ZDHHC13: variants seen among roughly 807,000 people sequenced by gnomAD.
ZDHHC13 encodes palmitoyltransferase ZDHHC13.
In ZDHHC13, 85 loss-of-function variants were observed where a neutral mutation model predicts 86.0. The observed-to-expected ratio is 0.99, with a 90% confidence interval of 0.83 to 1.18. The LOEUF is 1.18. ZDHHC13 is among the 50% of genes most tolerant of loss of function. ZDHHC13 has a pLI of 0.00. For missense variants in ZDHHC13, 711 were observed against 730.2 expected, an observed-to-expected ratio of 0.97 and a Z score of 0.30; for synonymous variants, 263 against 246.4, an observed-to-expected ratio of 1.07 and a Z score of -0.63.
chr11:19,119,351 C>T (rs1185169426), intron 1 of ZDHHC13, among the ~76,000 whole-genome samples: 8 of 152,142 alleles, frequency 5.3e-5, no homozygotes, highest in South Asian at 2.1e-4. Flanking sequence ...GTGATCCGCC[C>T]GCCTCGGCCT....
intron 1 of ZDHHC13, among the ~76,000 whole-genome samples, chr11:19,120,881 A>G (rs1171822333): frequency 6.6e-6 from 1 of 152,224 alleles, no homozygotes; most frequent in African/African-American, 2.4e-5. Flanking sequence ...GAATAGAATC[A>G]TAGAATACTT....
chr11:19,137,760 C>T (rs1849185086), intron 1 of ZDHHC13, among the ~76,000 whole-genome samples: 3 of 152,224 alleles, frequency 2.0e-5, no homozygotes, highest in Admixed American at 6.5e-5. Flanking sequence ...AAGAATCTCA[C>T]TCAAAACCGC....
At chr11:19,158,810 G>T (rs1048112783) in intron 9 of ZDHHC13, 130 bp from the exon 10 acceptor site, 2 of 578,008 alleles carry the variant, frequency 3.5e-6, no homozygotes, top group Non-Finnish European at 5.9e-6. Flanking sequence ...CACATAGTAA[G>T]CACTCAGTAT....
At chr11:19,134,443 A>G (rs1744036171) in intron 1 of ZDHHC13, among the ~76,000 whole-genome samples, 1 of 152,220 alleles carries the variant, frequency 6.6e-6, no homozygotes, top group South Asian at 2.1e-4. Context: ...AATAGCAAAG[A>G]CTTGGAACCA....
In ZDHHC13 at chr11:19,138,516, C is replaced by A. The variant is rs1267032902; in HGVS notation, c.28-4462C>A. ...GGAACTGGTACCATTCCTTCTGAAA[C>A]TATTCCAGTCAATAGAAAAAGAGGG... On this transcript the variant is annotated intron_variant, in intron 1 of 16. Transcript: ENST00000446113. 1.4e-3 allele frequency among the ~76,000 whole-genome samples: 218 copies of A among 152,020 alleles called. 5 individuals are homozygous for A. The highest frequency in any genetic ancestry group is 5.1e-3 in the African/African-American group (210 of 41,302).
intron 8 of ZDHHC13, among the ~76,000 whole-genome samples, chr11:19,153,874 C>G (rs553811132): frequency 4.0e-5 from 6 of 148,400 alleles, no homozygotes; most frequent in Admixed American, 3.4e-4. Flanking sequence ...TTTTTTTTGT[C>G]ATACCACATA....
chr11:19,143,703 A>C lies in ZDHHC13; in HGVS notation c.173+580A>C, dbSNP rs75297826. ...TTGTTTTGCTTGCACTGGATATGGA[A>C]GTACATTTTGAAAGTTTCCCCTTAA... On this transcript the variant is annotated intron_variant, in intron 2 of 16. Coordinates refer to ENST00000446113, the MANE Select transcript of ZDHHC13 (RefSeq NM_019028.3). 5.8e-3 allele frequency among the ~76,000 whole-genome samples: 886 copies of C among 152,322 alleles called. 30 individuals carry two copies. The East Asian group carries it at 0.086, about 15-fold the overall frequency.
At chr11:19,136,722 C>T (rs1295308881) in intron 1 of ZDHHC13, among the ~76,000 whole-genome samples, 18 of 151,850 alleles carry the variant, frequency 1.2e-4, no homozygotes, top group African/African-American at 2.4e-4. Flanking sequence ...GCAGATCTCT[C>T]GGCAGAAACT....
chr11:19,132,182 G>T (rs1421078999), intron 1 of ZDHHC13, among the ~76,000 whole-genome samples: 2 of 152,142 alleles, frequency 1.3e-5, no homozygotes, highest in Non-Finnish European at 2.9e-5. Context: ...TGAGTATCTG[G>T]TATTTGTTGC....
chr11:19,152,361 G>A (rs1361847452), intron 7 of ZDHHC13, 41 bp downstream of exon 7: 2 of 1,589,734 alleles, frequency 1.3e-6, no homozygotes, highest in East Asian at 4.5e-5. Flanking sequence ...ATTATATCTT[G>A]AGTTAGAAGA....
chr11:19,159,099 T>C (rs1402462692), intron 10 of ZDHHC13, 59 bp downstream of exon 10: 2 of 1,259,450 alleles, frequency 1.6e-6, no homozygotes, highest in East Asian at 2.6e-5. Flanking sequence ...AGAGTAATGT[T>C]ATTGTTAGGA....
intron 1 of ZDHHC13, among the ~76,000 whole-genome samples, chr11:19,135,846 AC>A (rs968186464): frequency 6.6e-6 from 1 of 152,174 alleles, no homozygotes; most frequent in African/African-American, 2.4e-5. Context: ...ACTCCAACAG[AC>A]CTGCAGCTGA....
intron 14 of ZDHHC13, 75 bp from the exon 15 acceptor site, chr11:19,170,336 T>C: frequency 2.0e-6 from 3 of 1,474,690 alleles, no homozygotes; most frequent in South Asian, 1.3e-5. Flanking sequence ...AGAACTGCAG[T>C]GATTTTATCT....
chr11:19,120,151 T>G (rs933040292), intron 1 of ZDHHC13, among the ~76,000 whole-genome samples: 3 of 152,246 alleles, frequency 2.0e-5, no homozygotes, highest in Non-Finnish European at 2.9e-5. Context: ...AGTTATTTAT[T>G]GTGTAAGAAA....
intron 14 of ZDHHC13, chr11:19,169,985 G>T: frequency 2.0e-6 from 2 of 998,960 alleles, no homozygotes; most frequent in Non-Finnish European, 2.4e-6. Context: ...GGGATATCTT[G>T]TGCCCACAGC....
At chr11:19,122,805 C>A (rs1848784074) in intron 1 of ZDHHC13, among the ~76,000 whole-genome samples, 1 of 152,060 alleles carries the variant, frequency 6.6e-6, no homozygotes, top group African/African-American at 2.4e-5. Context: ...ATAATAGAAG[C>A]TTTAACATTT....
Position 19,141,321 on chromosome 11 carries a change from A to G in ZDHHC13, c.28-1657A>G, listed in dbSNP as rs111994798. Among the ~76,000 whole-genome samples the G allele has an allele frequency of 7.5e-3, 1,146 of 152,230 alleles. 18 individuals carry two copies. Among genetic ancestry groups the G allele is most frequent in the African/African-American group, 0.026 (1,090 of 41,548 alleles). The stretch of plus-strand genomic sequence containing the variant: ...TAAAATGTATTTAGAATATATGTAA[A>G]TAATATGTACATTTGGTGTATTTGT... On this transcript the variant is annotated intron_variant, in intron 1 of 16. Coordinates refer to ENST00000446113, the MANE Select transcript of ZDHHC13 (RefSeq NM_019028.3).
intron 14 of ZDHHC13, chr11:19,166,638 C>A (rs928165696): frequency 3.5e-6 from 1 of 282,414 alleles, no homozygotes; most frequent in Non-Finnish European, 6.5e-6. Context: ...TCATTTAAGG[C>A]AAGTGCAGAT....
intron 15 of ZDHHC13, 110 bp from the exon 16 acceptor site, chr11:19,172,602 CAAGGAGATACT>C (rs1397217919): frequency 3.1e-6 from 2 of 653,572 alleles, no homozygotes; most frequent in African/African-American, 3.7e-5. Context: ...TGTCCCTTTT[CAAGGAGATACT>C]AAGGAGAACA....
Sources: allele counts gnomAD v4.1 joint callset (sites outside exome capture counted in the v4.1 genomes callset), GRCh38; gene constraint gnomAD v4.1.1; transcripts MANE v1.5; gene names NCBI Gene and HGNC (gene_info 2026-07-23, HGNC 2026-07-21).